DNMT3B: variants seen among roughly 807,000 people sequenced by gnomAD.
DNMT3B encodes the protein DNA methyltransferase 3 beta, also known as DNA (cytosine-5)-methyltransferase 3B.
A neutral mutation model predicts 120.2 loss-of-function variants in DNMT3B; 37 were observed. That is an observed-to-expected ratio of 0.31 (90% CI 0.24 to 0.40). The LOEUF (loss-of-function observed/expected upper bound fraction) is 0.40, where lower values mean the gene tolerates loss of function less well. Among genes scored for constraint, DNMT3B ranks in the 10% least tolerant of loss-of-function variants. The pLI, the probability that DNMT3B is intolerant of heterozygous loss-of-function variation, is 1.00. For missense variants in DNMT3B, 878 were observed against 1,137.3 expected (o/e 0.77, Z 3.28); for synonymous variants, 412 against 442.8 (o/e 0.93, Z 0.87).
chr20:32,788,019 A>G (rs527367341), intron 6 of DNMT3B, among the ~76,000 whole-genome samples: 7 of 152,282 alleles, frequency 4.6e-5, no homozygotes, highest in Non-Finnish European at 8.8e-5. Context: ...GTCATCACTT[A>G]AGGCAAGGAC....
chr20:32,800,052 G>A, intron 16 of DNMT3B, 101 bp from the exon 17 acceptor site: 1 of 1,534,276 alleles, frequency 6.5e-7, no homozygotes, highest in Non-Finnish European at 9.0e-7. Context: ...ATGTGATACA[G>A]TCATGAGGAA....
intron 1 of DNMT3B, among the ~76,000 whole-genome samples, chr20:32,771,629 G>A (rs181299091): frequency 4.4e-5 from 4 of 91,782 alleles, no homozygotes; most frequent in African/African-American, 2.3e-4. Flanking sequence ...GAGCAAGACC[G>A]CATCTCAAAA....
chr20:32,780,394 A>T lies in DNMT3B; in HGVS notation c.71A>T (p.Asn24Ile). ...AGGREDSILV[N>I]GACSDQSSDS... ...GGGAGGGAAGACTCGATCCTCGTCA[A>T]CGGGGCCTGCAGCGACCAGTCCTCC... The change falls in exon 2 of 23, where the codon AAC becomes ATC. Residue 24 changes from asparagine to isoleucine, a missense_variant. Transcript: ENST00000328111. 1 of 1,613,976 alleles carries T rather than the reference A, an allele frequency of 6.2e-7. No individual in the cohort carries two copies. Among genetic ancestry groups the T allele is most frequent in the African/African-American group, 1.3e-5 (1 of 75,018 alleles).
intron 4 of DNMT3B, among the ~76,000 whole-genome samples, chr20:32,785,094 T>C (rs1299468798): frequency 6.6e-6 from 1 of 151,506 alleles, no homozygotes; most frequent in African/African-American, 2.4e-5. Flanking sequence ...TGGCGTGCAA[T>C]GGCGTGATCT....
intron 18 of DNMT3B, 148 bp from the exon 19 acceptor site, chr20:32,801,130 T>C (rs1016857850): frequency 2.3e-6 from 3 of 1,286,052 alleles, no homozygotes; most frequent in Admixed American, 3.8e-5. Context: ...GCTGCCTGTG[T>C]CCCTGCTGTC....
At chr20:32,780,555 G>A (rs1406377877) in intron 2 of DNMT3B, 90 bp downstream of exon 2, 2 of 1,546,978 alleles carry the variant, frequency 1.3e-6, no homozygotes, top group Non-Finnish European at 1.7e-6. Context: ...GAGAGTCTCT[G>A]ACAACCTCCA....
intron 1 of DNMT3B, among the ~76,000 whole-genome samples, chr20:32,777,958 G>A (rs1252756130): frequency 2.0e-5 from 3 of 152,194 alleles, no homozygotes; most frequent in South Asian, 2.1e-4. Context: ...ATGTATCAGC[G>A]CACATGTTTA....
intron 1 of DNMT3B, among the ~76,000 whole-genome samples, chr20:32,768,478 C>T (rs1363463046): frequency 2.0e-5 from 3 of 152,132 alleles, no homozygotes; most frequent in African/African-American, 7.2e-5. Flanking sequence ...AGGCATGAGC[C>T]TCTGTGCCTG....
In DNMT3B at chr20:32,784,918, A is replaced by G. The variant is rs918467072; in HGVS notation, c.306+59A>G. On this transcript the variant is annotated intron_variant, in intron 4 of 22. Transcript: ENST00000328111. ...GGCCAACACTCTACATAGCATACAT[A>G]GCATGCTACATACATAGCATAGCTC... The G allele has an allele frequency of 4.0e-6, 6 of 1,483,540 alleles. No homozygotes were observed. The African/African-American group carries it at 6.9e-5, about 17-fold the overall frequency. The allele number at this position is 1,483,540 out of a possible 1,614,324, so 91.9% of individuals were successfully genotyped here.
At chr20:32,798,922 G>A (rs1183609810) in intron 15 of DNMT3B, among the ~76,000 whole-genome samples, 2 of 152,228 alleles carry the variant, frequency 1.3e-5, no homozygotes, top group Non-Finnish European at 2.9e-5. Flanking sequence ...AGAGCTGAGA[G>A]GGAAGGAAAC....
At chr20:32,772,511 G>A (rs962245888) in intron 1 of DNMT3B, among the ~76,000 whole-genome samples, 20 of 152,146 alleles carry the variant, frequency 1.3e-4, no homozygotes, top group Non-Finnish European at 1.8e-4. Flanking sequence ...TTGCCAAGGG[G>A]TAGGTGGCCA....
In DNMT3B at chr20:32,808,085, C is replaced by A; in HGVS notation, c.*182C>A. 1 of 989,470 alleles carries A rather than the reference C, an allele frequency of 1.0e-6. No individual in the cohort carries two copies. Among genetic ancestry groups the A allele is most frequent in the Non-Finnish European group, 1.5e-6 (1 of 671,660 alleles). The allele number at this position is 989,470 out of a possible 1,614,324, so 61.3% of individuals were successfully genotyped here. On this transcript the variant is annotated 3_prime_UTR_variant, in exon 23 of 23. Coordinates refer to ENST00000328111, the MANE Select transcript of DNMT3B (RefSeq NM_006892.4). ...ACTCTTGCAGGGGTAGCCTGAGGTG[C>A]CGCCTCCTTGTGCACAAATCAGACC...
At position 32,780,406 on chromosome 20, in the gene DNMT3B, G is replaced by A. The variant is rs2145906561; in HGVS notation, c.83G>A (p.Ser28Asn). ...TCGATCCTCGTCAACGGGGCCTGCA[G>A]CGACCAGTCCTCCGACTCGCCCCCA... is the stretch of plus-strand genomic sequence containing the variant. ...EDSILVNGAC[S>N]DQSSDSPPIL... is the part of the protein sequence containing the mutation. The change falls in exon 2 of 23, where the codon AGC (serine) becomes AAC (asparagine). Residue 28 changes from serine to asparagine, a missense_variant. Physicochemically the swap from Ser to Asn is conservative, Grantham distance 46 (BLOSUM62 1). This residue lies in a region of DNMT3B where 287 missense variants were observed against 306.2 expected (regional missense o/e 0.94). Coordinates refer to ENST00000328111, the MANE Select transcript of DNMT3B (RefSeq NM_006892.4). The A allele has an allele frequency of 1.9e-6, 3 of 1,613,910 alleles. No homozygotes were observed. The South Asian group carries it at 3.3e-5, about 18-fold the overall frequency.
At position 32,762,588 on chromosome 20, in the gene DNMT3B, C is replaced by A. The variant is rs1161331937; in HGVS notation, c.-118C>A. Reference sequence around the variant, plus strand: ...CAAGTAAACCTAGCTCGGCGATCGGCGCCGGAGATTCGCGAGCCCAGCGCC... The same window carrying A: ...CAAGTAAACCTAGCTCGGCGATCGGAGCCGGAGATTCGCGAGCCCAGCGCC... On this transcript the variant is annotated 5_prime_UTR_variant, in exon 1 of 23. Coordinates refer to ENST00000328111, the MANE Select transcript of DNMT3B (RefSeq NM_006892.4). 1 of 338,152 alleles carries A rather than the reference C, an allele frequency of 3.0e-6. No homozygotes were observed. Among genetic ancestry groups the A allele is most frequent in the Admixed American group, 3.0e-5 (1 of 33,668 alleles). 20.9% of individuals were successfully genotyped at this position (338,152 alleles called of 1,614,324 possible). A position where few individuals can be genotyped will look rare whatever the true frequency, so the allele number is the denominator to read the frequency against.
Position 32,806,277 on chromosome 20 carries a change from T to C in DNMT3B, c.2370T>C (p.Pro790=). Residue 790 remains proline (P), a synonymous_variant, in exon 22 of 23, where the codon CCT becomes CCC. Transcript: ENST00000328111. ...SIKQGKNQLF[P]VVMNGKEDVL... is the part of the protein sequence containing the mutation. ...AACAGGGGAAAAACCAACTTTTCCCTGTTGTCATGAATGGCAAAGAAGATG... is the reference window on the plus strand; with the variant it reads ...AACAGGGGAAAAACCAACTTTTCCCCGTTGTCATGAATGGCAAAGAAGATG... 1 of 1,614,218 alleles carries C rather than the reference T, an allele frequency of 6.2e-7. No homozygotes were observed.
At position 32,800,042 on chromosome 20, in the gene DNMT3B, A is replaced by T; in HGVS notation, c.1760-111A>T. The T allele has an allele frequency of 3.4e-6, 5 of 1,485,008 alleles. No homozygotes were observed. In the South Asian group the frequency reaches 3.4e-5, roughly 10 times the overall value. 92.0% of individuals were successfully genotyped at this position (1,485,008 alleles called of 1,614,324 possible). On this transcript the variant is annotated intron_variant, in intron 16 of 22. Transcript: ENST00000328111. Reference sequence around the variant, plus strand: ...GTACAGCCTTTGCTGGATTGAACGCATGTGATACAGTCATGAGGAACTGTT... The same window carrying T: ...GTACAGCCTTTGCTGGATTGAACGCTTGTGATACAGTCATGAGGAACTGTT...
chr20:32,786,131 G>A (rs1391023566), intron 4 of DNMT3B, among the ~76,000 whole-genome samples: 2 of 152,138 alleles, frequency 1.3e-5, no homozygotes, highest in Admixed American at 6.5e-5. Context: ...TGATCTGCCC[G>A]CCTTGGCCTC....
intron 6 of DNMT3B, among the ~76,000 whole-genome samples, chr20:32,787,831 AAG>A (rs546297008): frequency 7.9e-4 from 120 of 152,246 alleles, no homozygotes; most frequent in Middle Eastern, 3.4e-3. Context: ...CTGAGTCCAA[AAG>A]AGAGTCAGCG....
chr20:32,805,304 C>T, intron 20 of DNMT3B, 34 bp from the exon 21 acceptor site: 1 of 1,613,912 alleles, frequency 6.2e-7, no homozygotes, highest in Non-Finnish European at 8.5e-7. Flanking sequence ...CCCTCTATAG[C>T]TAGTAAGAAG....
Sources: gnomAD v4.1 joint callset for allele counts (sites outside exome capture counted in the v4.1 genomes callset) on GRCh38, gnomAD v4.1.1 for gene constraint, gnomAD v4.1.1 regional missense constraint, MANE v1.5 for transcripts, NCBI Gene and HGNC (gene_info 2026-07-23, HGNC 2026-07-21) for gene names.